Variants in LINGO2 observed in about 807,000 individuals in gnomAD.
LINGO2 encodes the protein leucine-rich repeat and immunoglobulin-like domain-containing nogo receptor-interacting protein 2.
In LINGO2, 14 loss-of-function variants were observed where a neutral mutation model predicts 30.6. The observed-to-expected ratio is 0.46, with a 90% confidence interval of 0.30 to 0.72. LINGO2 has a LOEUF of 0.72. Ranked by LOEUF, LINGO2 falls within the 30% of genes least tolerant of loss-of-function variation. The pLI is 0.07. For missense variants in LINGO2, 729 were observed against 751.7 expected (o/e 0.97, Z 0.35); for synonymous variants, 317 against 288.5 (o/e 1.10, Z -1.00).
intron 4 of LINGO2, among the ~76,000 whole-genome samples, chr9:28,109,563 C>A (rs544951979): frequency 6.6e-6 from 1 of 152,246 alleles, no homozygotes; most frequent in East Asian, 1.9e-4. Flanking sequence ...GATACAAAAT[C>A]AATGTGCAAA....
chr9:28,298,144 C>G (rs1300915286), intron 3 of LINGO2, among the ~76,000 whole-genome samples: 1 of 152,102 alleles, frequency 6.6e-6, no homozygotes, highest in Non-Finnish European at 1.5e-5. Flanking sequence ...TCACTTATCT[C>G]TCTCCAAATA....
intron 1 of LINGO2, among the ~76,000 whole-genome samples, chr9:28,587,009 A>T (rs935042808): frequency 2.6e-5 from 4 of 152,026 alleles, no homozygotes; most frequent in Non-Finnish European, 4.4e-5. Flanking sequence ...AAGTTTATAT[A>T]GTTATAGACA....
rs926807080 is a variant in LINGO2, at chr9:28,569,231, G to T, written c.-364-93206C>A. On this transcript the variant is annotated intron_variant, in intron 1 of 5. Transcript: ENST00000379992. Reference sequence around the variant, plus strand: ...TGCCATTATAGAAAACAGTATGGAGGTTCCTGAAAAAATTAAAAATACACT... The same window carrying T: ...TGCCATTATAGAAAACAGTATGGAGTTTCCTGAAAAAATTAAAAATACACT... Among the ~76,000 whole-genome samples the T allele has an allele frequency of 2.6e-5, 4 of 151,862 alleles. 1 individual carries two copies. The highest frequency in any genetic ancestry group is 9.7e-5 in the African/African-American group (4 of 41,406).
the LINGO2 span, among the ~76,000 whole-genome samples, chr9:29,188,713 C>T: frequency 3.7e-5 from 5 of 135,454 alleles, no homozygotes; most frequent in African/African-American, 1.4e-4. Context: ...CTGACCCCCC[C>T]ACCTCCCTCT....
intron 2 of LINGO2, among the ~76,000 whole-genome samples, chr9:28,442,963 C>A (rs980799242): frequency 8.1e-6 from 1 of 123,048 alleles, no homozygotes; most frequent in Non-Finnish European, 1.6e-5. Flanking sequence ...AAAAATATTA[C>A]CCCAACATTG....
intron 4 of LINGO2, among the ~76,000 whole-genome samples, chr9:28,039,152 A>G (rs545688905): frequency 6.6e-6 from 1 of 152,192 alleles, no homozygotes; most frequent in African/African-American, 2.4e-5. Flanking sequence ...GGCTCACCAA[A>G]TTGAAAAACA....
At chr9:28,552,535 A>T (rs1822352213) in intron 1 of LINGO2, among the ~76,000 whole-genome samples, 1 of 151,826 alleles carries the variant, frequency 6.6e-6, no homozygotes, top group Non-Finnish European at 1.5e-5. Context: ...CTTTTCAATG[A>T]TGTGTCTTAA....
At chr9:28,146,143 G>A (rs962463536) in intron 4 of LINGO2, among the ~76,000 whole-genome samples, 7 of 152,134 alleles carry the variant, frequency 4.6e-5, no homozygotes, top group South Asian at 2.1e-4. Flanking sequence ...GCCCTCATTC[G>A]TTATGAACTG....
chr9:28,634,455 C>G (rs1587996435), intron 1 of LINGO2, among the ~76,000 whole-genome samples: 1 of 151,148 alleles, frequency 6.6e-6, no homozygotes, highest in Non-Finnish European at 1.5e-5. Flanking sequence ...CAACTCCCCT[C>G]CCCCCACACT....
chr9:28,403,092 G>A (rs1408072643), intron 2 of LINGO2, among the ~76,000 whole-genome samples: 1 of 152,124 alleles, frequency 6.6e-6, no homozygotes, highest in African/African-American at 2.4e-5. Flanking sequence ...TTGATAATTA[G>A]TCAACTGTAG....
the LINGO2 span, among the ~76,000 whole-genome samples, chr9:28,873,391 G>GAA: frequency 4.9e-5 from 6 of 123,100 alleles, no homozygotes; most frequent in African/African-American, 1.4e-4. Context: ...AAAAAAAAAA[G>GAA]AAAAAAAAAA....
At position 28,127,456 on chromosome 9, in the gene LINGO2, T is replaced by G. The variant is rs565880887; in HGVS notation, c.-86-115051A>C. ...TCCATCAAAACTGTAATGCTTAATT[T>G]GAAAAACCTGTACTACATACTACCC... is the stretch of plus-strand genomic sequence containing the variant. On this transcript the variant is annotated intron_variant, in intron 4 of 5. Transcript: ENST00000379992. Among the ~76,000 whole-genome samples, 5 of 152,312 alleles carry G rather than the reference T, an allele frequency of 3.3e-5. No homozygotes were observed. The East Asian group carries it at 9.6e-4, about 29-fold the overall frequency.
intron 1 of LINGO2, among the ~76,000 whole-genome samples, chr9:28,645,764 A>C (rs1187812227): frequency 6.6e-6 from 1 of 152,122 alleles, no homozygotes; most frequent in Non-Finnish European, 1.5e-5. Flanking sequence ...CTAATATCAG[A>C]CTATAATCAA....
At chr9:28,233,013 G>A (rs1333225227) in intron 4 of LINGO2, among the ~76,000 whole-genome samples, 1 of 116,042 alleles carries the variant, frequency 8.6e-6, no homozygotes, top group Non-Finnish European at 1.7e-5. Context: ...TACTTCTCAT[G>A]AGAGAGACAG....
intron 2 of LINGO2, among the ~76,000 whole-genome samples, chr9:28,471,607 A>G (rs186213916): frequency 6.6e-6 from 1 of 152,306 alleles, no homozygotes; most frequent in African/African-American, 2.4e-5. Context: ...TAAAACCACA[A>G]TGGGATACCA....
At chr9:28,483,073 C>G (rs1251597207) in intron 1 of LINGO2, among the ~76,000 whole-genome samples, 1 of 152,028 alleles carries the variant, frequency 6.6e-6, no homozygotes, top group Non-Finnish European at 1.5e-5. Context: ...ATTTGCATTT[C>G]AAAACCTAAA....
chr9:28,376,701 T>C (rs898727503), intron 2 of LINGO2, among the ~76,000 whole-genome samples: 1 of 152,190 alleles, frequency 6.6e-6, no homozygotes, highest in Non-Finnish European at 1.5e-5. Context: ...CCCAAGTAAC[T>C]TCCCAATAAA....
At chr9:28,537,163 C>A (rs899597099) in intron 1 of LINGO2, among the ~76,000 whole-genome samples, 1 of 152,076 alleles carries the variant, frequency 6.6e-6, no homozygotes, top group Non-Finnish European at 1.5e-5. Flanking sequence ...ATGAAAAATA[C>A]TCTCCCAAAC....
the LINGO2 span, among the ~76,000 whole-genome samples, chr9:29,093,409 A>G: frequency 7.5e-6 from 1 of 133,982 alleles, no homozygotes; most frequent in African/African-American, 2.8e-5. Context: ...TATATATAAT[A>G]AATAACAAGA....
Sources: allele counts gnomAD v4.1 joint callset (sites outside exome capture counted in the v4.1 genomes callset), GRCh38; gene constraint gnomAD v4.1.1; transcripts MANE v1.5; gene names NCBI Gene and HGNC (gene_info 2026-07-23, HGNC 2026-07-21).